The following LRRC47 variants were observed in gnomAD, a reference collection of about 807,000 sequenced individuals.
LRRC47 encodes leucine-rich repeat-containing protein 47.
Under a neutral mutation model 40.9 loss-of-function variants are expected in LRRC47, and 31 were observed. The observed-to-expected ratio is 0.76, with a 90% CI of 0.57 to 1.02. The LOEUF (loss-of-function observed/expected upper bound fraction) is 1.02. Ranked by LOEUF, LRRC47 falls within the 50% of genes least tolerant of loss-of-function variation. The pLI is 0.00. For missense variants in LRRC47, 726 were observed against 796.1 expected, an observed-to-expected ratio of 0.91 and a Z score of 1.06; for synonymous variants, 427 against 371.9, an observed-to-expected ratio of 1.15 and a Z score of -1.70.
intron 3 of LRRC47, 100 bp from the exon 4 acceptor site, chr1:3,784,211 C>T (rs1049904034): frequency 1.3e-5 from 12 of 949,114 alleles, no homozygotes; most frequent in Non-Finnish European, 1.8e-5. Context: ...CTCCCGACTC[C>T]CGCCCTCATT....
Position 3,795,974 on chromosome 1 carries a change from A to G in LRRC47, c.503T>C (p.Phe168Ser). The change falls in exon 1 of 7, where the codon TTT becomes TCT. Residue 168 changes from phenylalanine (F) to serine (S), a missense_variant. Phe to Ser is a radical substitution (Grantham distance 155). Coordinates refer to ENST00000378251, the MANE Select transcript of LRRC47 (RefSeq NM_020710.3). ...GCCGGGGCGAAAGAGCTCGGCGGGAAAGGAGTCTAGGCAATTGCCGGTGAG... is the reference window on the plus strand; with the variant it reads ...GCCGGGGCGAAAGAGCTCGGCGGGAGAGGAGTCTAGGCAATTGCCGGTGAG... ...LNLTGNCLDS[F>S]PAELFRPGAL... 6.3e-7 allele frequency: 1 copy of G among 1,582,862 alleles called. No individual in the cohort carries two copies. The highest frequency in any genetic ancestry group is 8.6e-7 in the Non-Finnish European group (1 of 1,166,638).
chr1:3,792,820 G>A (rs1643639983), intron 1 of LRRC47, among the ~76,000 whole-genome samples: 1 of 152,150 alleles, frequency 6.6e-6, no homozygotes, highest in Non-Finnish European at 1.5e-5. Context: ...GCAACTGACT[G>A]GACACTTACA....
chr1:3,791,248 G>A (rs574250537), intron 1 of LRRC47, among the ~76,000 whole-genome samples: 62 of 152,316 alleles, frequency 4.1e-4, no homozygotes, highest in African/African-American at 1.4e-3. Flanking sequence ...GCGCAGAGCC[G>A]CTGCTGCTTT....
intron 1 of LRRC47, among the ~76,000 whole-genome samples, chr1:3,794,414 A>G (rs1214336732): frequency 6.6e-6 from 1 of 151,718 alleles, no homozygotes; most frequent in African/African-American, 2.4e-5. Flanking sequence ...GGCTGGTATC[A>G]CAGCTCACTG....
chr1:3,792,870 CAACACTCTGG>C, intron 1 of LRRC47, among the ~76,000 whole-genome samples: 1 of 152,302 alleles, frequency 6.6e-6, no homozygotes, highest in Admixed American at 6.5e-5. Flanking sequence ...CCTAGTACAT[CAACACTCTGG>C]AAAACCAAAA....
At chr1:3,788,227 A>G (rs1057212768) in intron 1 of LRRC47, among the ~76,000 whole-genome samples, 4 of 152,188 alleles carry the variant, frequency 2.6e-5, no homozygotes, top group African/African-American at 9.6e-5. Context: ...CTGGCTTGGT[A>G]CCCAGGCCCC....
chr1:3,788,344 G>A (rs995618290), intron 1 of LRRC47, among the ~76,000 whole-genome samples: 18 of 152,330 alleles, frequency 1.2e-4, no homozygotes, highest in African/African-American at 4.3e-4. Context: ...CCTGACCCTC[G>A]GGGATCTCTG....
rs1643513688 is a variant in LRRC47 at position 3,781,036 on chromosome 1, A to G, written c.*52T>C. 6.3e-7 allele frequency: 1 copy of G among 1,587,526 alleles called. No individual in the cohort carries two copies. The highest frequency in any genetic ancestry group is 1.8e-5 in the Admixed American group (1 of 57,004). ...CTAACGGATAATTCAGCATTGCCGC[A>G]TAGAAACCTCCGCAAAACCGGCCAA... is the stretch of plus-strand genomic sequence containing the variant. On this transcript the variant is annotated 3_prime_UTR_variant, in exon 7 of 7. Coordinates refer to ENST00000378251, the MANE Select transcript of LRRC47 (RefSeq NM_020710.3).
chr1:3,793,463 A>T (rs1460254104), intron 1 of LRRC47, among the ~76,000 whole-genome samples: 1 of 152,204 alleles, frequency 6.6e-6, no homozygotes, highest in Non-Finnish European at 1.5e-5. Context: ...AATTTAAATG[A>T]TAATACTCCT....
intron 4 of LRRC47, 100 bp downstream of exon 4, chr1:3,783,896 T>C (rs1643545210): frequency 5.5e-6 from 5 of 905,848 alleles, no homozygotes; most frequent in South Asian, 4.7e-5. Context: ...TGGGTTCTGG[T>C]AGCATTAGGC....
In LRRC47 at chr1:3,796,464, C is replaced by G. The variant is rs906291845; in HGVS notation, c.13G>C (p.Ala5Pro). ...AGCTCCGGCCAAGACTCTGACACCG[C>G]TGCCGCCGCCATGGCGCCTCAGCTG... MAAA[A>P]VSESWPELEL... The change falls in exon 1 of 7, where the codon GCG becomes CCG. Residue 5 changes from alanine (A) to proline (P), a missense_variant. Ala to Pro is a conservative substitution (Grantham distance 27). Coordinates refer to ENST00000378251, the MANE Select transcript of LRRC47 (RefSeq NM_020710.3). 2 of 1,509,176 alleles carry G rather than the reference C, an allele frequency of 1.3e-6. No individual in the cohort carries two copies. Among genetic ancestry groups the G allele is most frequent in the South Asian group, 1.2e-5 (1 of 81,858 alleles). 93.5% of individuals were successfully genotyped at this position (1,509,176 alleles called of 1,614,324 possible).
intron 1 of LRRC47, among the ~76,000 whole-genome samples, chr1:3,787,793 A>G (rs1643590261): frequency 6.6e-6 from 1 of 152,196 alleles, no homozygotes; most frequent in Non-Finnish European, 1.5e-5. Context: ...CAAAATCTCT[A>G]AGAGCATTCT....
At chr1:3,791,348 A>G (rs1394562950) in intron 1 of LRRC47, among the ~76,000 whole-genome samples, 1 of 152,166 alleles carries the variant, frequency 6.6e-6, no homozygotes, top group Non-Finnish European at 1.5e-5. Context: ...TTACCCTCCC[A>G]GTCTTCCTAC....
rs1015882724 is a variant in LRRC47 at position 3,784,126 on chromosome 1, C to T, written c.1195-15G>A. ...AAGGGGACAATCTATCGGGCAGAAA[C>T]CCACAAACTCCACTAGGGTCACAGC... On this transcript the variant is annotated splice_polypyrimidine_tract_variant and intron_variant, in intron 3 of 6. Transcript: ENST00000378251. 5 of 1,592,080 alleles carry T rather than the reference C, an allele frequency of 3.1e-6. No individual in the cohort carries two copies. The highest frequency in any genetic ancestry group is 4.3e-6 in the Non-Finnish European group (5 of 1,167,854).
intron 5 of LRRC47, among the ~76,000 whole-genome samples, chr1:3,782,105 C>A (rs145304568): frequency 6.6e-6 from 1 of 152,336 alleles, no homozygotes; most frequent in East Asian, 1.9e-4. Flanking sequence ...AGCTGTAGCT[C>A]TGAGAAGCCA....
Position 3,784,082 on chromosome 1 carries a change from CTT to C in LRRC47, c.1222_1223del (p.Lys408GlyfsTer38). 2 of 1,612,902 alleles carry C rather than the reference CTT, an allele frequency of 1.2e-6. No homozygotes were observed. The highest frequency in any genetic ancestry group is 1.7e-6 in the Non-Finnish European group (2 of 1,179,524). The stretch of plus-strand genomic sequence containing the variant: ...GCAGCTGCCGCACCAGCTCCTTGGC[CTT>C]GGCTTCTTTCCGCCCCAAGGGGACA... ...KIVPLGRKEA[K>X]AKELVRQLQL... On this transcript the variant is annotated frameshift_variant, in exon 4 of 7. Coordinates refer to ENST00000378251, the MANE Select transcript of LRRC47 (RefSeq NM_020710.3). LOFTEE classifies it high-confidence loss of function.
intron 1 of LRRC47, among the ~76,000 whole-genome samples, chr1:3,794,652 T>C (rs556537455): frequency 2.3e-4 from 35 of 151,980 alleles, no homozygotes; most frequent in African/African-American, 7.9e-4. Context: ...GGTTTGTCTA[T>C]ATATCCTTAT....
chr1:3,792,776 C>A (rs1643639539), intron 1 of LRRC47, among the ~76,000 whole-genome samples: 1 of 152,212 alleles, frequency 6.6e-6, no homozygotes, highest in Non-Finnish European at 1.5e-5. Context: ...AACTTGAATA[C>A]TGAAAGACAT....
intron 3 of LRRC47, 89 bp from the exon 4 acceptor site, chr1:3,784,200 C>T (rs1392586982): frequency 8.7e-6 from 9 of 1,035,888 alleles, no homozygotes; most frequent in Non-Finnish European, 1.0e-5. Flanking sequence ...CTCAATGAGC[C>T]CTCCCGACTC....
Sources: gnomAD v4.1 joint callset for allele counts (sites outside exome capture counted in the v4.1 genomes callset) on GRCh38, gnomAD v4.1.1 for gene constraint, MANE v1.5 for transcripts, NCBI Gene and HGNC (gene_info 2026-07-23, HGNC 2026-07-21) for gene names.